Variants in OSBPL8 observed in about 807,000 individuals in gnomAD.
OSBPL8 encodes the protein oxysterol binding protein like 8, also known as oxysterol-binding protein-related protein 8.
A neutral mutation model predicts 125.5 loss-of-function variants in OSBPL8; 59 were observed. The observed-to-expected ratio is 0.47, with a 90% CI of 0.38 to 0.58. OSBPL8 has a LOEUF of 0.58. Among genes scored for constraint, OSBPL8 ranks in the 20% least tolerant of loss-of-function variants. OSBPL8 has a pLI of 0.00. For synonymous variants in OSBPL8, 330 were observed against 338.9 expected (o/e 0.97, Z 0.29); for missense variants, 758 against 1,047.8 (o/e 0.72, Z 3.82).
intron 6 of OSBPL8, among the ~76,000 whole-genome samples, chr12:76,401,065 G>T (rs938844386): frequency 2.0e-5 from 3 of 152,046 alleles, no homozygotes; most frequent in African/African-American, 7.2e-5. Flanking sequence ...TTACAGGCGT[G>T]AGCCACCACA....
At chr12:76,517,450 T>C (rs1881658721) in intron 1 of OSBPL8, among the ~76,000 whole-genome samples, 1 of 152,196 alleles carries the variant, frequency 6.6e-6, no homozygotes, top group African/African-American at 2.4e-5. Context: ...TGTTTATTAA[T>C]GTATTCATTA....
intron 1 of OSBPL8, among the ~76,000 whole-genome samples, chr12:76,558,137 T>A (rs888566545): frequency 1.2e-4 from 18 of 145,932 alleles, no homozygotes; most frequent in African/African-American, 2.3e-4. Context: ...TAAAAAAAAA[T>A]AAAAGTAACA....
chr12:76,529,534 A>C (rs1950275355), intron 1 of OSBPL8, among the ~76,000 whole-genome samples: 1 of 152,010 alleles, frequency 6.6e-6, no homozygotes, highest in Non-Finnish European at 1.5e-5. Context: ...AACAGAAAAA[A>C]AAAAAAAAAA....
At chr12:76,380,926 G>T (rs952959883) in intron 15 of OSBPL8, among the ~76,000 whole-genome samples, 1 of 152,110 alleles carries the variant, frequency 6.6e-6, no homozygotes, top group Non-Finnish European at 1.5e-5. Flanking sequence ...TGAGGACTAA[G>T]AAATAAATAG....
chr12:76,418,266 A>G (rs560314021), intron 4 of OSBPL8, among the ~76,000 whole-genome samples: 45 of 152,084 alleles, frequency 3.0e-4, no homozygotes, highest in African/African-American at 7.2e-4. Flanking sequence ...CGGCTTCCCA[A>G]TGTGCTGGGA....
At position 76,386,632 on chromosome 12, in the gene OSBPL8, G is replaced by A. The variant is rs1206488473; in HGVS notation, c.1381C>T (p.Arg461Cys). The change falls in exon 13 of 24, where the codon CGT (arginine) becomes TGT (cysteine). Residue 461 changes from arginine (R) to cysteine (C), a missense_variant. Arg to Cys is a radical substitution (Grantham distance 180). Around this residue, in one of 3 missense-constraint regions of OSBPL8, gnomAD observed 572 missense variants for 762.0 expected, o/e 0.75. Transcript: ENST00000261183. ...EAALEENPYF[R>C]LKKVVKWYLS... ...TACCATTTCACTACTTTCTTCAAACGGAAATAAGGATTTTCTTCAAGAGCT... is the reference window on the plus strand; with the variant it reads ...TACCATTTCACTACTTTCTTCAAACAGAAATAAGGATTTTCTTCAAGAGCT... The A allele has an allele frequency of 2.5e-6, 4 of 1,604,818 alleles. No individual in the cohort carries two copies. Among genetic ancestry groups the A allele is most frequent in the Admixed American group, 1.7e-5 (1 of 59,282 alleles).
Position 76,380,853 on chromosome 12 carries a change from C to T in OSBPL8, c.1631-2303G>A, listed in dbSNP as rs554254822. 1.6e-4 allele frequency among the ~76,000 whole-genome samples: 24 copies of T among 152,236 alleles called. 1 individual carries two copies. In the South Asian group the frequency reaches 4.6e-3, roughly 29 times the overall value. On this transcript the variant is annotated intron_variant, in intron 15 of 23. Coordinates refer to ENST00000261183, the MANE Select transcript of OSBPL8 (RefSeq NM_020841.5). Reference sequence around the variant, plus strand: ...TTAGGTAGAAATTATTCAATTTTCACCTTAAAAGTATGAAGTTGGCTATAT... The same window carrying T: ...TTAGGTAGAAATTATTCAATTTTCATCTTAAAAGTATGAAGTTGGCTATAT...
chr12:76,443,097 T>C (rs1203613854), intron 4 of OSBPL8, among the ~76,000 whole-genome samples: 4 of 152,218 alleles, frequency 2.6e-5, no homozygotes. Context: ...AAACCAAGCA[T>C]AGTCTGTTAA....
At position 76,356,675 on chromosome 12, in the gene OSBPL8, T is replaced by C. The variant is rs753298180; in HGVS notation, c.2488A>G (p.Ile830Val). Residue 830 changes from isoleucine to valine, a missense_variant, in exon 23 of 24, where the codon ATT becomes GTT. Transcript: ENST00000261183. The stretch of plus-strand genomic sequence containing the variant: ...TTTATAGATTCGATGGAACTCTGAA[T>C]GTCTCCCAGTTCTATTCCTTTCTTT... ...RRKKGIELGD[I>V]QSSIESIKQT... The C allele has an allele frequency of 2.5e-6, 4 of 1,610,928 alleles. No individual in the cohort carries two copies. The Admixed American group carries it at 5.0e-5, about 20-fold the overall frequency.
At chr12:76,439,239 C>A (rs1044750118) in intron 4 of OSBPL8, among the ~76,000 whole-genome samples, 2 of 152,124 alleles carry the variant, frequency 1.3e-5, no homozygotes, top group African/African-American at 4.8e-5. Context: ...ATTAGCTGGG[C>A]ATGGTGGCGC....
Position 76,369,198 on chromosome 12 carries a change from G to A in OSBPL8, c.2328+16C>T. On this transcript the variant is annotated intron_variant, in intron 21 of 23. Coordinates refer to ENST00000261183, the MANE Select transcript of OSBPL8 (RefSeq NM_020841.5). The stretch of plus-strand genomic sequence containing the variant: ...CAGATTTATATACCTAGTGTACCTA[G>A]TTTTTTATTACATACCATTGGAGTA... 1 of 1,598,866 alleles carries A rather than the reference G, an allele frequency of 6.3e-7. No homozygotes were observed. Among genetic ancestry groups the A allele is most frequent in the Non-Finnish European group, 8.5e-7 (1 of 1,175,498 alleles).
intron 4 of OSBPL8, among the ~76,000 whole-genome samples, chr12:76,435,591 T>C (rs1165288084): frequency 6.6e-6 from 1 of 152,152 alleles, no homozygotes; most frequent in Admixed American, 6.6e-5. Flanking sequence ...AAATGTTAAG[T>C]AGCTTGATTG....
chr12:76,547,045 A>G (rs1180495231), intron 1 of OSBPL8, among the ~76,000 whole-genome samples: 5 of 152,252 alleles, frequency 3.3e-5, no homozygotes, highest in Non-Finnish European at 5.9e-5. Context: ...TTTCAACTTC[A>G]AAGTAGTCAG....
At chr12:76,503,969 T>G (rs755477125) in intron 1 of OSBPL8, among the ~76,000 whole-genome samples, 13 of 151,934 alleles carry the variant, frequency 8.6e-5, no homozygotes, top group Non-Finnish European at 1.2e-4. Context: ...AACATCAGTA[T>G]AGATGTTGCT....
intron 1 of OSBPL8, among the ~76,000 whole-genome samples, chr12:76,503,346 C>T (rs774012768): frequency 1.2e-4 from 18 of 152,094 alleles, no homozygotes; most frequent in South Asian, 2.1e-4. Context: ...TCCCTCTGTA[C>T]GTGTCTGTAT....
At chr12:76,435,165 TG>T (rs1871300392) in intron 4 of OSBPL8, among the ~76,000 whole-genome samples, 1 of 150,138 alleles carries the variant, frequency 6.7e-6, no homozygotes, top group Non-Finnish European at 1.5e-5. Context: ...CGTGTGTGTG[TG>T]TGTGTGTGTG....
chr12:76,357,554 G>C (rs914177605), intron 22 of OSBPL8, among the ~76,000 whole-genome samples: 5 of 152,096 alleles, frequency 3.3e-5, no homozygotes, highest in African/African-American at 9.7e-5. Context: ...TAACACACTG[G>C]TATGCCACAT....
At chr12:76,412,243 C>T (rs559720295) in intron 4 of OSBPL8, among the ~76,000 whole-genome samples, 1 of 151,966 alleles carries the variant, frequency 6.6e-6, no homozygotes, top group African/African-American at 2.4e-5. Flanking sequence ...AAAAAAAGTA[C>T]GTACCATATG....
rs183454326 is a variant in OSBPL8, at chr12:76,499,741, C to A, written c.-67-12123G>T. On this transcript the variant is annotated intron_variant, in intron 1 of 23. Coordinates refer to ENST00000261183, the MANE Select transcript of OSBPL8 (RefSeq NM_020841.5). ...TGGCTAATCCCTGCTGTAATCCCAG[C>A]TACTCGGGAGGCTGAAGTAGGAGAA... 7.9e-5 allele frequency among the ~76,000 whole-genome samples: 12 copies of A among 152,158 alleles called. No homozygotes were observed. The East Asian group carries it at 2.3e-3, about 29-fold the overall frequency.
Sources: gnomAD v4.1 joint callset for allele counts (sites outside exome capture counted in the v4.1 genomes callset) on GRCh38, gnomAD v4.1.1 for gene constraint, gnomAD v4.1.1 regional missense constraint, MANE v1.5 for transcripts, NCBI Gene and HGNC (gene_info 2026-07-23, HGNC 2026-07-21) for gene names.